SUFU: variants seen among roughly 807,000 people sequenced by gnomAD.
The protein encoded by SUFU is suppressor of fused homolog.
Under a neutral mutation model 58.9 loss-of-function variants are expected in SUFU, and 7 were observed. That is an observed-to-expected ratio of 0.12 (90% CI 0.07 to 0.22). The LOEUF is 0.22. Among genes scored for constraint, SUFU ranks in the 10% least tolerant of loss-of-function variants. SUFU has a pLI of 1.00. For synonymous variants in SUFU, 232 were observed against 254.8 expected (o/e 0.91, Z 0.85); for missense variants, 451 against 641.3 (o/e 0.70, Z 3.20).
chr10:102,565,736 T>C (rs993232255), intron 3 of SUFU, among the ~76,000 whole-genome samples: 6 of 152,000 alleles, frequency 3.9e-5, no homozygotes, highest in Admixed American at 3.9e-4. Context: ...TTAGTAGAGA[T>C]GGGGTTTCAC....
At chr10:102,544,823 A>C (rs961804697) in intron 2 of SUFU, among the ~76,000 whole-genome samples, 2 of 152,172 alleles carry the variant, frequency 1.3e-5, no homozygotes, top group Non-Finnish European at 2.9e-5. Context: ...TTCTGTCTCT[A>C]TAGATTTGTC....
intron 8 of SUFU, among the ~76,000 whole-genome samples, chr10:102,604,105 T>C (rs1243827904): frequency 6.6e-6 from 1 of 152,198 alleles, no homozygotes; most frequent in Non-Finnish European, 1.5e-5. Flanking sequence ...CTCTGTCACG[T>C]TGGCTTCCCT....
At position 102,629,926 on chromosome 10, in the gene SUFU, G is replaced by C. The variant is rs1232390373; in HGVS notation, c.1366-140G>C. The C allele has an allele frequency of 1.2e-6, 1 of 821,506 alleles. No individual in the cohort carries two copies. Among genetic ancestry groups the C allele is most frequent in the Non-Finnish European group, 2.2e-6 (1 of 463,286 alleles). The allele number at this position is 821,506 out of a possible 1,614,324, so 50.9% of individuals were successfully genotyped here. The stretch of plus-strand genomic sequence containing the variant: ...GAGCCCAGCCTGCCACCTGGGTCTA[G>C]CATTTGAGAATGAAGCCACGCCTCC... On this transcript the variant is annotated intron_variant, in intron 11 of 11. Transcript: ENST00000369902. The surrounding 1 kb of genome is among the most constrained non-coding windows in gnomAD (Gnocchi z 4.7).
At chr10:102,525,630 G>A (rs1564665013) in intron 2 of SUFU, among the ~76,000 whole-genome samples, 1 of 152,040 alleles carries the variant, frequency 6.6e-6, no homozygotes, top group Non-Finnish European at 1.5e-5. Flanking sequence ...AGTCTCCTGA[G>A]TAGCTGGGAT....
chr10:102,616,478 C>T (rs1260239358), intron 9 of SUFU, among the ~76,000 whole-genome samples: 1 of 152,246 alleles, frequency 6.6e-6, no homozygotes, highest in African/African-American at 2.4e-5. Context: ...ATGAACAGGA[C>T]CTGGAGGGGC....
chr10:102,618,940 G>GTGTT, intron 10 of SUFU: 3 of 604,244 alleles, frequency 5.0e-6, no homozygotes, highest in Admixed American at 2.2e-5. Context: ...GCGTGTGTGT[G>GTGTT]TGTGTGTGTG....
Position 102,504,232 on chromosome 10 carries a change from C to A in SUFU, c.80C>A (p.Ala27Asp), listed in dbSNP as rs1664857380. The change falls in exon 1 of 12, where the codon GCT becomes GAT. Residue 27 changes from alanine (A) to aspartate (D), a missense_variant. Transcript: ENST00000369902. ...GGCCCGACTGCCCCCCCGGCCTTCGCTTCGCTCTTTCCCCCGGGACTGCAC... is the reference window on the plus strand; with the variant it reads ...GGCCCGACTGCCCCCCCGGCCTTCGATTCGCTCTTTCCCCCGGGACTGCAC... ...APGPTAPPAF[A>D]SLFPPGLHAI... is the part of the protein sequence containing the mutation. The A allele has an allele frequency of 6.2e-7, 1 of 1,612,690 alleles. No individual in the cohort carries two copies. Among genetic ancestry groups the A allele is most frequent in the Non-Finnish European group, 8.5e-7 (1 of 1,179,636 alleles).
At chr10:102,506,527 C>A (rs569830968) in intron 1 of SUFU, among the ~76,000 whole-genome samples, 2 of 152,134 alleles carry the variant, frequency 1.3e-5, no homozygotes, top group Non-Finnish European at 2.9e-5. Context: ...TACAGGCACA[C>A]GCCACCTTGC....
At chr10:102,584,240 A>G (rs1043006827) in intron 3 of SUFU, among the ~76,000 whole-genome samples, 2 of 152,226 alleles carry the variant, frequency 1.3e-5, no homozygotes, top group Admixed American at 6.5e-5. Context: ...GAAGTTCACC[A>G]CTAAGCCAGG....
At chr10:102,543,253 C>T (rs1394467264) in intron 2 of SUFU, among the ~76,000 whole-genome samples, 1 of 152,154 alleles carries the variant, frequency 6.6e-6, no homozygotes, top group East Asian at 1.9e-4. Context: ...TTTTGCCAAT[C>T]TGATAGGTGA....
intron 2 of SUFU, among the ~76,000 whole-genome samples, chr10:102,519,873 G>T (rs190554246): frequency 6.6e-5 from 10 of 152,246 alleles, no homozygotes; most frequent in Admixed American, 2.6e-4. Context: ...CTGGGTTCAA[G>T]CAATTCTCCT....
intron 7 of SUFU, among the ~76,000 whole-genome samples, chr10:102,597,556 T>C (rs1292531712): frequency 6.6e-6 from 1 of 152,228 alleles, no homozygotes; most frequent in Non-Finnish European, 1.5e-5. Context: ...CCCTTTGCAA[T>C]CTGAGGTCAT....
intron 8 of SUFU, among the ~76,000 whole-genome samples, chr10:102,599,980 C>T (rs1435715941): frequency 1.3e-5 from 2 of 152,166 alleles, no homozygotes; most frequent in Admixed American, 6.5e-5. Flanking sequence ...CAGCCCCATA[C>T]TGGATGCCTG....
chr10:102,618,803 T>C (rs1207038942), intron 10 of SUFU: 2 of 549,422 alleles, frequency 3.6e-6, no homozygotes, highest in African/African-American at 3.8e-5. Flanking sequence ...CCCGGGCTGC[T>C]GCGTCTGCCC....
intron 7 of SUFU, 149 bp from the exon 8 acceptor site, chr10:102,599,284 A>C (rs1298100852): frequency 6.9e-6 from 5 of 722,330 alleles, no homozygotes; most frequent in Non-Finnish European, 1.3e-5. Context: ...GTACTCACTC[A>C]GCGCTTACAT....
intron 3 of SUFU, among the ~76,000 whole-genome samples, chr10:102,575,155 A>G (rs1293110994): frequency 6.6e-6 from 1 of 152,138 alleles, no homozygotes; most frequent in African/African-American, 2.4e-5. Flanking sequence ...TTAAGGCTAC[A>G]GTGAGCCATA....
chr10:102,568,274 C>G (rs1048822419), intron 3 of SUFU, among the ~76,000 whole-genome samples: 5 of 150,742 alleles, frequency 3.3e-5, no homozygotes, highest in African/African-American at 1.2e-4. Flanking sequence ...GACTGCATAT[C>G]AGATGTTAAC....
intron 3 of SUFU, among the ~76,000 whole-genome samples, chr10:102,587,468 T>C (rs2063346076): frequency 6.6e-6 from 1 of 152,184 alleles, no homozygotes; most frequent in South Asian, 2.1e-4. Flanking sequence ...TTTTACTTTC[T>C]TGATGGTATT....
In SUFU at chr10:102,554,740, G is replaced by A. The variant is rs761673096; in HGVS notation, c.454+4634G>A. Among the ~76,000 whole-genome samples, 8 of 152,330 alleles carry A rather than the reference G, an allele frequency of 5.3e-5. No individual in the cohort carries two copies. The South Asian group carries it at 8.3e-4, about 16-fold the overall frequency. On this transcript the variant is annotated intron_variant, in intron 3 of 11. Transcript: ENST00000369902. ...ATCAAGGCAGCAGCATGGTGTGGTG[G>A]TTTAAGAGTGTGGCCTCCTGACCCA...
Sources: allele counts gnomAD v4.1 joint callset (sites outside exome capture counted in the v4.1 genomes callset), GRCh38; gene constraint gnomAD v4.1.1; non-coding constraint Gnocchi (gnomAD v3.1); transcripts MANE v1.5; gene names NCBI Gene and HGNC (gene_info 2026-07-23, HGNC 2026-07-21).